The following PTPRD variants were observed in gnomAD, a reference collection of about 807,000 sequenced individuals.
The protein encoded by PTPRD is protein tyrosine phosphatase receptor type D, also known as receptor-type tyrosine-protein phosphatase delta.
In PTPRD, 34 loss-of-function variants were observed where a neutral mutation model predicts 214.5. That is an observed-to-expected ratio of 0.16 (90% CI 0.12 to 0.21). The LOEUF is 0.21. Among genes scored for constraint, PTPRD ranks in the 10% least tolerant of loss-of-function variants. PTPRD has a pLI of 1.00. For synonymous variants in PTPRD, 1,128 were observed against 845.7 expected (o/e 1.33, Z -5.79); for missense variants, 2,545 against 2,398.7 (o/e 1.06, Z -1.27).
chr9:9,441,329 A>G (rs988955569), intron 8 of PTPRD, among the ~76,000 whole-genome samples: 3 of 152,308 alleles, frequency 2.0e-5, no homozygotes, highest in Admixed American at 1.3e-4. Flanking sequence ...AGAGTAAATT[A>G]AGTTTGAACT....
chr9:10,427,224 C>G (rs562708491), intron 2 of PTPRD, among the ~76,000 whole-genome samples: 1 of 152,154 alleles, frequency 6.6e-6, no homozygotes, highest in South Asian at 2.1e-4. Flanking sequence ...AGGATTTATA[C>G]TATCATTTTT....
chr9:8,716,076 G>T (rs1457218282), intron 12 of PTPRD, among the ~76,000 whole-genome samples: 1 of 152,150 alleles, frequency 6.6e-6, no homozygotes, highest in Admixed American at 6.5e-5. Context: ...AGAGAAAAAA[G>T]GAGCTCCAGC....
chr9:10,230,430 A>G (rs1048907219), intron 3 of PTPRD, among the ~76,000 whole-genome samples: 2 of 128,796 alleles, frequency 1.6e-5, no homozygotes, highest in African/African-American at 6.0e-5. Flanking sequence ...GTATCTATGT[A>G]TCTATGTATC....
chr9:8,992,932 T>G (rs1352702072), intron 11 of PTPRD, among the ~76,000 whole-genome samples: 1 of 152,146 alleles, frequency 6.6e-6, no homozygotes, highest in Non-Finnish European at 1.5e-5. Flanking sequence ...GAGGCTGATT[T>G]TGGTTTGCAA....
At chr9:10,277,582 C>CAATA (rs60704712) in intron 3 of PTPRD, among the ~76,000 whole-genome samples, 64,842 of 151,778 alleles carry the variant, frequency 0.43, 15,252 homozygotes, top group Non-Finnish European at 0.53. Context: ...ATAGAAAATT[C>CAATA]AATAAATACT....
At chr9:10,252,816 C>T (rs1163734318) in intron 3 of PTPRD, among the ~76,000 whole-genome samples, 1 of 152,130 alleles carries the variant, frequency 6.6e-6, no homozygotes, top group Non-Finnish European at 1.5e-5. Flanking sequence ...CAAACACTCA[C>T]TCTGTCGCCC....
chr9:9,989,337 G>A (rs1028429431), intron 4 of PTPRD, among the ~76,000 whole-genome samples: 2 of 152,018 alleles, frequency 1.3e-5, no homozygotes, highest in Non-Finnish European at 2.9e-5. Context: ...AGCCTTCTCT[G>A]CCCCCACATT....
intron 3 of PTPRD, among the ~76,000 whole-genome samples, chr9:10,141,162 C>A (rs904318839): frequency 4.6e-5 from 7 of 152,020 alleles, no homozygotes; most frequent in Non-Finnish European, 1.0e-4. Flanking sequence ...GGGCAAAAAA[C>A]TGGAAGCATT....
chr9:10,175,273 T>G (rs1298190405), intron 3 of PTPRD, among the ~76,000 whole-genome samples: 1 of 152,020 alleles, frequency 6.6e-6, no homozygotes, highest in Non-Finnish European at 1.5e-5. Context: ...TATACTACTA[T>G]TATTTATTGT....
chr9:9,218,508 G>C (rs2099953743), intron 9 of PTPRD, among the ~76,000 whole-genome samples: 1 of 152,050 alleles, frequency 6.6e-6, no homozygotes, highest in Admixed American at 6.6e-5. Context: ...ATATAAATAG[G>C]TCTGACAATT....
chr9:8,322,770 A>G (rs968719192), intron 44 of PTPRD, among the ~76,000 whole-genome samples: 2 of 152,218 alleles, frequency 1.3e-5, no homozygotes, highest in East Asian at 1.9e-4. Context: ...AAACATCATT[A>G]TATTGGAAGA....
intron 4 of PTPRD, among the ~76,000 whole-genome samples, chr9:9,973,321 A>T (rs2095219216): frequency 6.6e-6 from 1 of 151,522 alleles, no homozygotes; most frequent in Non-Finnish European, 1.5e-5. Flanking sequence ...AAAAAAAAAA[A>T]ATTACCCAGG....
chr9:10,486,770 G>A (rs1029000680), intron 2 of PTPRD, among the ~76,000 whole-genome samples: 4 of 152,156 alleles, frequency 2.6e-5, no homozygotes, highest in Non-Finnish European at 5.9e-5. Context: ...GGAGGAATGT[G>A]TATTCTGAAG....
chr9:10,069,543 T>A (rs2154178030), intron 3 of PTPRD, among the ~76,000 whole-genome samples: 1 of 152,160 alleles, frequency 6.6e-6, no homozygotes, highest in African/African-American at 2.4e-5. Flanking sequence ...TGCTTTTTCT[T>A]TCTCTCACAA....
intron 11 of PTPRD, among the ~76,000 whole-genome samples, chr9:8,919,870 T>TGCATGTATCATGCATACATAGATGTACAC (rs2098814020): frequency 6.6e-6 from 1 of 150,632 alleles, no homozygotes; most frequent in Non-Finnish European, 1.5e-5. Flanking sequence ...TAGATGTACA[T>TGCATGTATCATGCATACATAGATGTACAC]GCATGTATCA....
intron 3 of PTPRD, among the ~76,000 whole-genome samples, chr9:10,079,234 GTCTAA>G (rs1416054184): frequency 6.6e-6 from 1 of 152,098 alleles, no homozygotes; most frequent in Admixed American, 6.6e-5. Context: ...GTGCCTGACT[GTCTAA>G]TCTAGGCTGA....
intron 37 of PTPRD, among the ~76,000 whole-genome samples, chr9:8,387,825 C>T (rs554151269): frequency 2.6e-5 from 4 of 152,268 alleles, no homozygotes; most frequent in Admixed American, 6.5e-5. Context: ...ATATGTTAGA[C>T]ATTATTATAG....
chr9:10,159,526 C>T (rs2099114289), intron 3 of PTPRD, among the ~76,000 whole-genome samples: 1 of 152,048 alleles, frequency 6.6e-6, no homozygotes, highest in Non-Finnish European at 1.5e-5. Context: ...AAACCTGTGA[C>T]TGACCTTCAC....
intron 7 of PTPRD, among the ~76,000 whole-genome samples, chr9:9,712,549 C>G (rs17609354): frequency 0.055 from 8,385 of 152,208 alleles, 313 homozygotes; most frequent in South Asian, 0.11. Context: ...CTCAGCTTGT[C>G]AAGAAAGTCA....
Sources: allele counts gnomAD v4.1 joint callset (sites outside exome capture counted in the v4.1 genomes callset), GRCh38; gene constraint gnomAD v4.1.1; transcripts MANE v1.5; gene names NCBI Gene and HGNC (gene_info 2026-07-23, HGNC 2026-07-21).